RNMT: variants seen among roughly 807,000 people sequenced by gnomAD.
The protein encoded by RNMT is mRNA cap guanine-N(7) methyltransferase.
In RNMT, 27 loss-of-function variants were observed where a neutral mutation model predicts 56.0. The ratio of observed to expected loss-of-function variants is 0.48; its 90% CI spans 0.36 to 0.67. The LOEUF is 0.67. Among genes scored for constraint, RNMT ranks in the 30% least tolerant of loss-of-function variants. RNMT has a pLI of 0.00. For synonymous variants in RNMT, 184 were observed against 176.2 expected (o/e 1.04, Z -0.35); for missense variants, 519 against 552.1 (o/e 0.94, Z 0.60).
At chr18:13,742,678 CT>C in intron 8 of RNMT, 26 bp downstream of exon 8, 1 of 1,550,896 alleles carries the variant, frequency 6.4e-7, no homozygotes, top group Non-Finnish European at 8.7e-7. Context: ...TCTGTTCACT[CT>C]TTTCTTTTTG....
Position 13,760,998 on chromosome 18 carries a change from A to G in RNMT, c.*1019A>G, listed in dbSNP as rs909313326. ...CTTTACACCACCATTTGGAAAACTT[A>G]CCAGTTTTTAGATGTAGATGTAGTG... On this transcript the variant is annotated 3_prime_UTR_variant, in exon 12 of 12. Transcript: ENST00000383314. 1.5e-5 allele frequency: 15 copies of G among 985,228 alleles called. No homozygotes were observed. Among genetic ancestry groups the G allele is most frequent in the Admixed American group, 1.2e-4 (2 of 16,272 alleles). 61.0% of individuals were successfully genotyped at this position (985,228 alleles called of 1,614,324 possible). A position where few individuals can be genotyped will look rare whatever the true frequency, so the allele number is the denominator to read the frequency against.
chr18:13,759,744 T>C (rs993752802), intron 11 of RNMT, among the ~76,000 whole-genome samples, 198 bp from the exon 12 acceptor site: 4 of 152,204 alleles, frequency 2.6e-5, no homozygotes. Context: ...TAGATAATTG[T>C]TTTAAAGTAA....
chr18:13,742,890 T>C (rs2044275345), intron 8 of RNMT: 1 of 294,706 alleles, frequency 3.4e-6, no homozygotes, highest in Non-Finnish European at 6.1e-6. Flanking sequence ...ATTCCTGGAA[T>C]TTTTTAATCC....
chr18:13,751,420 C>G (rs377461576), intron 9 of RNMT, among the ~76,000 whole-genome samples: 1 of 152,188 alleles, frequency 6.6e-6, no homozygotes, highest in Non-Finnish European at 1.5e-5. Context: ...CAATGAGATA[C>G]CATCTCACGC....
At chr18:13,758,273 C>T (rs2044574954) in intron 11 of RNMT, among the ~76,000 whole-genome samples, 1 of 152,182 alleles carries the variant, frequency 6.6e-6, no homozygotes, top group Admixed American at 6.5e-5. Flanking sequence ...TCTTTTGAAG[C>T]TTTGAAACTA....
rs2044603929 is a variant in RNMT at position 13,760,311 on chromosome 18, C to T, written c.*332C>T. The stretch of plus-strand genomic sequence containing the variant: ...CTCTTTCCACAGTGTTCAGATTTGT[C>T]CTGTGTGTGTTTACAGTATTCAATT... On this transcript the variant is annotated 3_prime_UTR_variant, in exon 12 of 12. Transcript: ENST00000383314. The T allele has an allele frequency of 1.9e-6, 2 of 1,053,234 alleles. No homozygotes were observed. Among genetic ancestry groups the T allele is most frequent in the Non-Finnish European group, 2.3e-6 (2 of 872,652 alleles). The allele number at this position is 1,053,234 out of a possible 1,614,324, so 65.2% of individuals were successfully genotyped here. A position where few individuals can be genotyped will look rare whatever the true frequency, so the allele number is the denominator to read the frequency against.
Position 13,759,949 on chromosome 18 carries a change from C to T in RNMT, c.1401C>T (p.Tyr467=). 6.2e-7 allele frequency: 1 copy of T among 1,611,682 alleles called. No homozygotes were observed. The highest frequency in any genetic ancestry group is 8.5e-7 in the Non-Finnish European group (1 of 1,178,056). Residue 467 remains tyrosine (Y), a synonymous_variant, in exon 12 of 12, where the codon TAC becomes TAT. Coordinates refer to ENST00000383314, the MANE Select transcript of RNMT (RefSeq NM_003799.3). The part of the protein sequence containing the change: ...SKSEWEATSI[Y]LVFAFEKQQ ...TATTTATTTCTTCTTTAGGTATTTA[C>T]TTGGTGTTTGCCTTTGAGAAACAGC...
chr18:13,736,603 G>C (rs886677469), intron 4 of RNMT, among the ~76,000 whole-genome samples: 1 of 149,020 alleles, frequency 6.7e-6, no homozygotes, highest in African/African-American at 2.5e-5. Flanking sequence ...CGTGTCTACT[G>C]TTAAACACCT....
chr18:13,758,171 T>A lies in RNMT; in HGVS notation c.1394-1771T>A, dbSNP rs189607507. ...AGCAGAGCAGATTTTACATAATTCT[T>A]AAGGGCCTCGGGATTTTTGGAAGGA... is the stretch of plus-strand genomic sequence containing the variant. On this transcript the variant is annotated intron_variant, in intron 11 of 11. Transcript: ENST00000383314. Among the ~76,000 whole-genome samples the A allele has an allele frequency of 9.8e-5, 15 of 152,314 alleles. No individual in the cohort carries two copies. The East Asian group carries it at 2.9e-3, about 29-fold the overall frequency.
intron 11 of RNMT, among the ~76,000 whole-genome samples, chr18:13,755,676 G>A (rs1321370262): frequency 6.6e-6 from 1 of 152,184 alleles, no homozygotes; most frequent in Non-Finnish European, 1.5e-5. Context: ...ACTGGAGGAT[G>A]TTATACACAT....
Position 13,736,992 on chromosome 18 carries a change from C to T in RNMT, c.554-18C>T. ...TTGAAGAAGAGGTAGTTTATTGTGA[C>T]TGATTTCTCTCTTTTAGGAGAATTT... On this transcript the variant is annotated intron_variant, in intron 4 of 11. Coordinates refer to ENST00000383314, the MANE Select transcript of RNMT (RefSeq NM_003799.3). 4 of 1,607,408 alleles carry T rather than the reference C, an allele frequency of 2.5e-6. No homozygotes were observed. Among genetic ancestry groups the T allele is most frequent in the South Asian group, 1.1e-5 (1 of 89,912 alleles).
chr18:13,761,851 C>CCCCCCCG lies in RNMT; in HGVS notation c.*1877_*1878insCGCCCCC. The CCCCCCCG allele has an allele frequency of 9.1e-7, 1 of 1,097,448 alleles. No homozygotes were observed. The highest frequency in any genetic ancestry group is 1.1e-6 in the Non-Finnish European group (1 of 898,866). 68.0% of individuals were successfully genotyped at this position (1,097,448 alleles called of 1,614,324 possible). A position where few individuals can be genotyped will look rare whatever the true frequency, so the allele number is the denominator to read the frequency against. ...TTCCTCCACCACCCTACACCCCCCT[C>CCCCCCCG]CCCCCGGCCCCAAGCCCCTGTGTCT... is the stretch of plus-strand genomic sequence containing the variant. On this transcript the variant is annotated 3_prime_UTR_variant, in exon 12 of 12. Transcript: ENST00000383314.
Position 13,742,611 on chromosome 18 carries a change from G to A in RNMT, c.1098G>A (p.Val366=), listed in dbSNP as rs1325935419. 1 of 1,613,556 alleles carries A rather than the reference G, an allele frequency of 6.2e-7. No homozygotes were observed. The highest frequency in any genetic ancestry group is 1.7e-5 in the Admixed American group (1 of 59,970). Residue 366 remains valine (V), a synonymous_variant, in exon 8 of 12, where the codon GTG becomes GTA. Transcript: ENST00000383314. ...ATGACTTCAACTTGGAAGGTGTTGT[G>A]GATGTTCCTGAATTCTTGGTCTATT... ...CKYDFNLEGV[V]DVPEFLVYFP...
chr18:13,760,821 A>G lies in RNMT; in HGVS notation c.*842A>G. 4.1e-6 allele frequency: 4 copies of G among 985,452 alleles called. No individual in the cohort carries two copies. Among genetic ancestry groups the G allele is most frequent in the Non-Finnish European group, 4.8e-6 (4 of 829,924 alleles). 61.0% of individuals were successfully genotyped at this position (985,452 alleles called of 1,614,324 possible). On this transcript the variant is annotated 3_prime_UTR_variant, in exon 12 of 12. Coordinates refer to ENST00000383314, the MANE Select transcript of RNMT (RefSeq NM_003799.3). The stretch of plus-strand genomic sequence containing the variant: ...GAACTGCAGTAGGAATATTCTCACC[A>G]TCTGATGCCATGTACCCACTTCAGA...
chr18:13,734,026 C>T (rs1022696347), intron 3 of RNMT, among the ~76,000 whole-genome samples: 100 of 152,268 alleles, frequency 6.6e-4, no homozygotes, highest in African/African-American at 2.3e-3. Flanking sequence ...GAATCATGGG[C>T]GCAGTTCCCC....
intron 7 of RNMT, 33 bp from the exon 8 acceptor site, chr18:13,742,455 C>CT: frequency 6.3e-7 from 1 of 1,596,456 alleles, no homozygotes; most frequent in Non-Finnish European, 8.5e-7. Flanking sequence ...CAATTTTAAT[C>CT]TTTTTATTTT....
At chr18:13,756,917 C>T (rs2044553010) in intron 11 of RNMT, among the ~76,000 whole-genome samples, 1 of 152,204 alleles carries the variant, frequency 6.6e-6, no homozygotes, top group African/African-American at 2.4e-5. Flanking sequence ...CAGGATTTGT[C>T]ACCTTTGCAG....
intron 2 of RNMT, 73 bp from the exon 3 acceptor site, chr18:13,731,403 C>T (rs573726633): frequency 7.5e-5 from 50 of 669,360 alleles, no homozygotes; most frequent in African/African-American, 7.4e-4. Context: ...AGTGAAACTC[C>T]GTCTCAAAAA....
rs1307997548 is a variant in RNMT at position 13,762,858 on chromosome 18, CTT to C, written c.*2881_*2882del. ...TTGTATTCAAGTACTCTTCAAGTAT[CTT>C]TGTAATGAAGGTTTGGCTACTTGTA... is the stretch of plus-strand genomic sequence containing the variant. On this transcript the variant is annotated 3_prime_UTR_variant, in exon 12 of 12. Transcript: ENST00000383314. 6.2e-5 allele frequency: 19 copies of C among 306,758 alleles called. No individual in the cohort carries two copies. The highest frequency in any genetic ancestry group is 3.7e-4 in the African/African-American group (17 of 46,370). 19.0% of individuals were successfully genotyped at this position (306,758 alleles called of 1,614,324 possible). A position where few individuals can be genotyped will look rare whatever the true frequency, so the allele number is the denominator to read the frequency against.
Sources: gnomAD v4.1 joint callset for allele counts (sites outside exome capture counted in the v4.1 genomes callset) on GRCh38, gnomAD v4.1.1 for gene constraint, MANE v1.5 for transcripts, NCBI Gene and HGNC (gene_info 2026-07-23, HGNC 2026-07-21) for gene names.